FAM107B: variants seen among roughly 807,000 people sequenced by gnomAD.
FAM107B encodes protein FAM107B.
In FAM107B, 21 loss-of-function variants were observed where a neutral mutation model predicts 31.5. The ratio of observed to expected loss-of-function variants is 0.67; its 90% CI spans 0.47 to 0.96. FAM107B has a LOEUF of 0.96. Among genes scored for constraint, FAM107B ranks in the 40% least tolerant of loss-of-function variants. The probability of loss-of-function intolerance (pLI) is 0.00; values close to 1 mark genes in which losing one functional copy is unlikely to be tolerated. For synonymous variants in FAM107B, 157 were observed against 141.5 expected (o/e 1.11, Z -0.78); for missense variants, 452 against 377.1 (o/e 1.20, Z -1.64).
At chr10:14,695,334 CTCTAT>C (rs1419420980) in intron 1 of FAM107B, among the ~76,000 whole-genome samples, 3 of 152,084 alleles carry the variant, frequency 2.0e-5, no homozygotes, top group African/African-American at 7.2e-5. Context: ...TATCTGGGCT[CTCTAT>C]TCTGTTCTAC....
intron 3 of FAM107B, among the ~76,000 whole-genome samples, chr10:14,526,140 A>G (rs1406458012): frequency 1.3e-5 from 2 of 152,164 alleles, no homozygotes; most frequent in African/African-American, 4.8e-5. Context: ...TATTTTTCTT[A>G]GGGTACAGGG....
intron 2 of FAM107B, among the ~76,000 whole-genome samples, chr10:14,625,743 G>T (rs1311441369): frequency 6.7e-6 from 1 of 150,290 alleles, no homozygotes; most frequent in Admixed American, 6.6e-5. Flanking sequence ...TTGCTTAGAA[G>T]GAAAAAAAAA....
rs981246505 is a variant in FAM107B at position 14,571,719 on chromosome 10, A to G, written c.470-41204T>C. ...ACACAACATTTTCTAGAGAAGGACT[A>G]CATTATTCAACAGCCATAGAAAAGT... On this transcript the variant is annotated intron_variant, in intron 2 of 4. Coordinates refer to ENST00000181796, the MANE Select transcript of FAM107B (RefSeq NM_031453.4). The G allele has an allele frequency of 6.4e-6, 6 of 940,654 alleles. No homozygotes were observed. In the African/African-American group the frequency reaches 1.1e-4, roughly 17 times the overall value. 58.3% of individuals were successfully genotyped at this position (940,654 alleles called of 1,614,324 possible). A position where few individuals can be genotyped will look rare whatever the true frequency, so the allele number is the denominator to read the frequency against.
intron 1 of FAM107B, among the ~76,000 whole-genome samples, chr10:14,734,488 G>GTGTTTTTTTTTTTTTTTT (rs558940939): frequency 5.8e-5 from 8 of 138,544 alleles, no homozygotes; most frequent in Non-Finnish European, 9.4e-5. Flanking sequence ...TTTTTGTGAG[G>GTGTTTTTTTTTTTTTTTT]TTTTTTTTTT....
At chr10:14,569,023 G>A (rs950139469) in intron 2 of FAM107B, among the ~76,000 whole-genome samples, 1 of 152,188 alleles carries the variant, frequency 6.6e-6, no homozygotes, top group Non-Finnish European at 1.5e-5. Flanking sequence ...TTATCCTGAA[G>A]AAATGAAGTT....
intron 2 of FAM107B, among the ~76,000 whole-genome samples, chr10:14,637,084 CTT>C (rs1481348094): frequency 1.3e-5 from 2 of 152,152 alleles, no homozygotes; most frequent in African/African-American, 4.8e-5. Flanking sequence ...TCAGGGGAGA[CTT>C]TGTTCCTACT....
intron 1 of FAM107B, among the ~76,000 whole-genome samples, chr10:14,703,307 G>C (rs1424903926): frequency 2.7e-5 from 4 of 148,414 alleles, no homozygotes; most frequent in African/African-American, 9.9e-5. Context: ...TCCTAAGTTT[G>C]TTTCCTTTTC....
At chr10:14,696,559 G>A (rs2609843) in intron 1 of FAM107B, among the ~76,000 whole-genome samples, 2 of 152,100 alleles carry the variant, frequency 1.3e-5, no homozygotes, top group Non-Finnish European at 2.9e-5. Flanking sequence ...GGGGGGTAAA[G>A]AACTTAAGAA....
At chr10:14,587,411 C>G (rs1243121197) in intron 2 of FAM107B, among the ~76,000 whole-genome samples, 1 of 152,120 alleles carries the variant, frequency 6.6e-6, no homozygotes, top group Non-Finnish European at 1.5e-5. Flanking sequence ...AGTTGCTTAG[C>G]CCTAGAAGTC....
chr10:14,649,849 G>C (rs546646027), intron 2 of FAM107B, among the ~76,000 whole-genome samples: 1 of 152,300 alleles, frequency 6.6e-6, no homozygotes, highest in Admixed American at 6.5e-5. Flanking sequence ...TATAGAGTTT[G>C]ACTCTTTTCA....
intron 1 of FAM107B, among the ~76,000 whole-genome samples, chr10:14,684,347 G>A (rs1323618800): frequency 6.6e-6 from 1 of 152,210 alleles, no homozygotes; most frequent in African/African-American, 2.4e-5. Context: ...AGCTACTTGG[G>A]AGGCTGAGGT....
chr10:14,740,668 T>C (rs907045521), intron 1 of FAM107B, among the ~76,000 whole-genome samples: 1 of 152,166 alleles, frequency 6.6e-6, no homozygotes, highest in Non-Finnish European at 1.5e-5. Context: ...CAATGCAAGA[T>C]GTTAAAAATA....
intron 2 of FAM107B, among the ~76,000 whole-genome samples, chr10:14,539,931 G>C (rs534165352): frequency 1.3e-5 from 2 of 152,272 alleles, no homozygotes; most frequent in African/African-American, 4.8e-5. Context: ...GTACCTGGTG[G>C]GAGAGAGGAA....
intron 1 of FAM107B, among the ~76,000 whole-genome samples, chr10:14,691,787 A>G (rs1588709074): frequency 6.6e-6 from 1 of 151,160 alleles, no homozygotes; most frequent in Non-Finnish European, 1.5e-5. Flanking sequence ...CCAGCTACTC[A>G]GGAGGCTGAG....
intron 1 of FAM107B, among the ~76,000 whole-genome samples, chr10:14,729,482 T>G (rs968312540): frequency 2.6e-5 from 3 of 116,254 alleles, no homozygotes; most frequent in African/African-American, 7.7e-5. Flanking sequence ...CCTCAAGGAG[T>G]AGTGTGATGA....
chr10:14,576,687 T>G (rs1851476621), intron 2 of FAM107B, among the ~76,000 whole-genome samples: 1 of 152,202 alleles, frequency 6.6e-6, no homozygotes. Flanking sequence ...GCATTAGAAT[T>G]CTAACAGTGC....
intron 1 of FAM107B, among the ~76,000 whole-genome samples, chr10:14,749,936 C>T (rs1832794828): frequency 6.6e-6 from 1 of 152,204 alleles, no homozygotes; most frequent in Admixed American, 6.5e-5. Context: ...TCTAATCCCA[C>T]CTGGGAACGC....
At chr10:14,763,805 A>G (rs1030039391) in intron 1 of FAM107B, among the ~76,000 whole-genome samples, 1 of 152,242 alleles carries the variant, frequency 6.6e-6, no homozygotes, top group African/African-American at 2.4e-5. Context: ...CGATTTCCAG[A>G]TAGAGAGGAA....
chr10:14,773,397 C>T (rs1265985063), intron 1 of FAM107B, among the ~76,000 whole-genome samples: 1 of 152,172 alleles, frequency 6.6e-6, no homozygotes, highest in Non-Finnish European at 1.5e-5. Flanking sequence ...AGTGATGGAT[C>T]CCCAAAGACT....
Sources: allele counts gnomAD v4.1 joint callset (sites outside exome capture counted in the v4.1 genomes callset), GRCh38; gene constraint gnomAD v4.1.1; transcripts MANE v1.5; gene names NCBI Gene and HGNC (gene_info 2026-07-23, HGNC 2026-07-21).